Variants in EYS observed in about 807,000 individuals in gnomAD.
The protein encoded by EYS is EGF-like photoreceptor maintenance factor, also known as protein eyes shut homolog.
In EYS, 250 loss-of-function variants were observed where a neutral mutation model predicts 282.1. The ratio of observed to expected loss-of-function variants is 0.89; its 90% CI spans 0.80 to 0.98. EYS has a LOEUF of 0.98. EYS is among the 50% of genes least tolerant of loss of function. The pLI, the probability that EYS is intolerant of heterozygous loss-of-function variation, is 0.00. For synonymous variants in EYS, 1,355 were observed against 1,282.9 expected (o/e 1.06, Z -1.20); for missense variants, 4,016 against 3,709.0 (o/e 1.08, Z -2.15).
intron 22 of EYS, among the ~76,000 whole-genome samples, chr6:64,711,197 A>T (rs560684767): frequency 6.6e-6 from 1 of 152,364 alleles, no homozygotes; most frequent in Non-Finnish European, 1.5e-5. Flanking sequence ...ACAAGAAAAT[A>T]AAGGCTTTAA....
chr6:64,807,257 T>A (rs1159242867), intron 22 of EYS, among the ~76,000 whole-genome samples: 1 of 152,096 alleles, frequency 6.6e-6, no homozygotes, highest in Non-Finnish European at 1.5e-5. Flanking sequence ...TATTTGATAT[T>A]TCAAATAAAA....
intron 12 of EYS, among the ~76,000 whole-genome samples, chr6:65,080,034 C>A (rs917478629): frequency 2.0e-5 from 3 of 151,958 alleles, no homozygotes; most frequent in Non-Finnish European, 4.4e-5. Flanking sequence ...GAATTGGAAC[C>A]AGTGAAGAGT....
rs1768339645 is a variant in EYS, at chr6:63,720,668, T to C, written c.9363A>G (p.Pro3121=). 1 of 1,542,388 alleles carries C rather than the reference T, an allele frequency of 6.5e-7. No individual in the cohort carries two copies. Among genetic ancestry groups the C allele is most frequent in the Non-Finnish European group, 8.7e-7 (1 of 1,143,306 alleles). ...CTAATTTAATTAGTTCAATGTTTTT[T>C]GGTTCCTGAAAAAATACAACATCTT... The part of the protein sequence containing the change: ...KIKDVVFFQE[P]KNIELIKLEG... Residue 3121 remains proline, a synonymous_variant, in exon 43 of 43, where the codon CCA becomes CCG. Transcript: ENST00000503581.
At chr6:64,603,385 C>T (rs1043305189) in intron 24 of EYS, among the ~76,000 whole-genome samples, 8 of 151,936 alleles carry the variant, frequency 5.3e-5, no homozygotes, top group Non-Finnish European at 5.9e-5. Context: ...TGAGTTGAAG[C>T]GGAAAGAGTG....
rs1054515897 is a variant in EYS at position 64,591,212 on chromosome 6, A to C, written c.4655T>G (p.Leu1552Ter). 1.3e-6 allele frequency: 2 copies of C among 1,551,376 alleles called. No individual in the cohort carries two copies. Among genetic ancestry groups the C allele is most frequent in the African/African-American group, 2.7e-5 (2 of 73,134 alleles). ...KSQAADSLRE[L>*]SQTCATCSMT... The stretch of plus-strand genomic sequence containing the variant: ...AGAACATGTTGCACATGTTTGGCTT[A>C]ATTCTCTTAAAGAATCAGCAGCCTG... The change falls in exon 26 of 43, where the codon TTA becomes TGA. Residue 1552 changes from leucine (L) to a stop codon, truncating the protein, a stop_gained. Coordinates refer to ENST00000503581, the MANE Select transcript of EYS (RefSeq NM_001142800.2). LOFTEE classifies it high-confidence loss of function.
intron 40 of EYS, among the ~76,000 whole-genome samples, chr6:63,769,904 GA>G (rs1027411326): frequency 3.3e-5 from 5 of 152,038 alleles, no homozygotes; most frequent in Middle Eastern, 3.4e-3. Flanking sequence ...TGAGATAATA[GA>G]AGATTTAATG....
intron 26 of EYS, among the ~76,000 whole-genome samples, chr6:64,502,962 G>A (rs889080500): frequency 1.3e-5 from 2 of 152,102 alleles, no homozygotes; most frequent in Admixed American, 1.3e-4. Flanking sequence ...AGTTCTTAAC[G>A]AACTGATAGT....
intron 35 of EYS, among the ~76,000 whole-genome samples, chr6:63,866,784 T>G (rs1772680362): frequency 6.6e-6 from 1 of 152,226 alleles, no homozygotes; most frequent in Non-Finnish European, 1.5e-5. Context: ...CAGAGTCTTC[T>G]GGCCTGTCTT....
intron 19 of EYS, among the ~76,000 whole-genome samples, chr6:64,831,327 T>C (rs1229806815): frequency 2.6e-5 from 4 of 151,982 alleles, no homozygotes; most frequent in Non-Finnish European, 5.9e-5. Context: ...GCGGTATATA[T>C]CAAATACTGG....
intron 12 of EYS, among the ~76,000 whole-genome samples, chr6:65,153,363 ATG>A (rs67661407): frequency 0.27 from 36,699 of 135,268 alleles, 4,967 homozygotes; most frequent in East Asian, 0.44. Flanking sequence ...GAGATCATAA[ATG>A]TGTGTGTGTG....
At chr6:65,052,972 A>C (rs1773316594) in intron 13 of EYS, among the ~76,000 whole-genome samples, 1 of 151,776 alleles carries the variant, frequency 6.6e-6, no homozygotes, top group Admixed American at 6.6e-5. Context: ...AAAAATATAC[A>C]GCATTAATAA....
At chr6:64,557,032 G>A (rs901900449) in intron 26 of EYS, among the ~76,000 whole-genome samples, 21 of 151,792 alleles carry the variant, frequency 1.4e-4, no homozygotes, top group Non-Finnish European at 2.8e-4. Context: ...GTTCCACTAA[G>A]CTGACAATAA....
At chr6:64,084,454 A>C (rs1249532135) in intron 31 of EYS, among the ~76,000 whole-genome samples, 1 of 152,186 alleles carries the variant, frequency 6.6e-6, no homozygotes. Flanking sequence ...TAAGAGCTGG[A>C]GTGAGAGAGA....
intron 12 of EYS, among the ~76,000 whole-genome samples, chr6:65,093,244 C>A (rs1248649586): frequency 6.6e-6 from 1 of 151,900 alleles, no homozygotes; most frequent in African/African-American, 2.4e-5. Context: ...CCCAGAAAAA[C>A]CCTGAGAGAG....
chr6:63,939,738 T>G (rs1350146981), intron 35 of EYS, among the ~76,000 whole-genome samples: 1 of 152,136 alleles, frequency 6.6e-6, no homozygotes, highest in Non-Finnish European at 1.5e-5. Context: ...ATGTCATAAA[T>G]GCATAATACA....
At chr6:65,310,610 C>T (rs1769131307) in intron 11 of EYS, among the ~76,000 whole-genome samples, 3 of 152,172 alleles carry the variant, frequency 2.0e-5, no homozygotes, top group South Asian at 4.1e-4. Flanking sequence ...TCTTCTGCCT[C>T]ATCTGAACCT....
intron 28 of EYS, among the ~76,000 whole-genome samples, chr6:64,429,796 G>A (rs911064300): frequency 6.6e-6 from 1 of 152,084 alleles, no homozygotes; most frequent in African/African-American, 2.4e-5. Flanking sequence ...GAAAGGAAGA[G>A]AAAAATAGGT....
chr6:64,193,438 G>C (rs2150317762), intron 31 of EYS, among the ~76,000 whole-genome samples: 1 of 151,832 alleles, frequency 6.6e-6, no homozygotes, highest in East Asian at 1.9e-4. Context: ...AGCCTCCCCA[G>C]TAGCTGAGAC....
At chr6:64,251,552 A>G (rs1767217506) in intron 30 of EYS, among the ~76,000 whole-genome samples, 1 of 152,160 alleles carries the variant, frequency 6.6e-6, no homozygotes, top group Non-Finnish European at 1.5e-5. Flanking sequence ...AATTATTCTT[A>G]GTTGTTACTT....
Sources: allele counts gnomAD v4.1 joint callset (sites outside exome capture counted in the v4.1 genomes callset), GRCh38; gene constraint gnomAD v4.1.1; transcripts MANE v1.5; gene names NCBI Gene and HGNC (gene_info 2026-07-23, HGNC 2026-07-21).